KLHL32: variants seen among roughly 807,000 people sequenced by gnomAD.
The protein encoded by KLHL32 is kelch-like protein 32.
Under a neutral mutation model 64.8 loss-of-function variants are expected in KLHL32, and 35 were observed. The observed-to-expected ratio is 0.54, with a 90% CI of 0.41 to 0.72. The LOEUF (loss-of-function observed/expected upper bound fraction) is 0.72, where lower values mean the gene tolerates loss of function less well. KLHL32 is among the 30% of genes least tolerant of loss of function. The probability of loss-of-function intolerance (pLI) is 0.00; values close to 1 mark genes in which losing one functional copy is unlikely to be tolerated. For synonymous variants in KLHL32, 259 were observed against 281.0 expected (o/e 0.92, Z 0.78); for missense variants, 589 against 768.5 (o/e 0.77, Z 2.76).
chr6:96,984,111 T>G (rs1776700873), intron 3 of KLHL32, among the ~76,000 whole-genome samples: 1 of 152,216 alleles, frequency 6.6e-6, no homozygotes, highest in Non-Finnish European at 1.5e-5. Context: ...AAGCACATCT[T>G]TATTTCTGCC....
At chr6:97,095,020 T>A (rs1562330584) in intron 6 of KLHL32, among the ~76,000 whole-genome samples, 1 of 152,246 alleles carries the variant, frequency 6.6e-6, no homozygotes, top group Admixed American at 6.5e-5. Context: ...CTTTGATTAA[T>A]TCATTTGCTC....
intron 3 of KLHL32, chr6:97,025,202 T>A: frequency 1.2e-6 from 1 of 843,038 alleles, no homozygotes; most frequent in Non-Finnish European, 1.4e-6. Flanking sequence ...GTTTATCGTC[T>A]TTGTAAAAAT....
chr6:96,945,382 C>T (rs1274367498), intron 1 of KLHL32, among the ~76,000 whole-genome samples: 1 of 152,196 alleles, frequency 6.6e-6, no homozygotes, highest in Non-Finnish European at 1.5e-5. Context: ...AAGACTGGGG[C>T]ATGCCTGTGG....
chr6:97,050,365 G>A (rs1403447677), intron 4 of KLHL32, among the ~76,000 whole-genome samples: 3 of 152,252 alleles, frequency 2.0e-5, no homozygotes, highest in East Asian at 3.9e-4. Context: ...ACATAATGAG[G>A]CTTTCTGGAG....
intron 4 of KLHL32, among the ~76,000 whole-genome samples, chr6:97,052,334 A>G (rs1332395924): frequency 6.6e-6 from 1 of 152,206 alleles, no homozygotes; most frequent in Non-Finnish European, 1.5e-5. Flanking sequence ...GTGGCATGTG[A>G]CATGATTTTC....
intron 2 of KLHL32, among the ~76,000 whole-genome samples, chr6:96,973,270 G>T (rs949429106): frequency 6.6e-6 from 1 of 152,030 alleles, no homozygotes; most frequent in African/African-American, 2.4e-5. Context: ...TCTGTTTCTG[G>T]TAAGATTTAT....
intron 1 of KLHL32, among the ~76,000 whole-genome samples, chr6:96,958,152 CAT>C (rs1441939904): frequency 1.3e-5 from 2 of 152,134 alleles, no homozygotes; most frequent in Admixed American, 1.3e-4. Flanking sequence ...ATATGCAAAA[CAT>C]AACCATTCCA....
chr6:97,042,818 T>C (rs1377449803), intron 4 of KLHL32, among the ~76,000 whole-genome samples: 9 of 152,198 alleles, frequency 5.9e-5, no homozygotes, highest in African/African-American at 2.2e-4. Context: ...TTTGGATGTT[T>C]GTCCTCTCCA....
At chr6:97,027,753 C>G (rs1348552951) in intron 3 of KLHL32, among the ~76,000 whole-genome samples, 1 of 152,170 alleles carries the variant, frequency 6.6e-6, no homozygotes, top group African/African-American at 2.4e-5. Flanking sequence ...GGGATCAGTC[C>G]TCCCATGCTG....
Position 97,114,375 on chromosome 6 carries a change from A to T in KLHL32, c.1220A>T (p.Asn407Ile). ...TACCTCTATGCAGTTGGGGGCAGAA[A>T]TGAACTGCGCCAGGTTCTGCCTACA... ...EEYLYAVGGR[N>I]ELRQVLPTVE... is the part of the protein sequence containing the mutation. The change falls in exon 7 of 11, where the codon AAT (asparagine) becomes ATT (isoleucine). Residue 407 changes from asparagine (N) to isoleucine (I), a missense_variant. Transcript: ENST00000369261. The T allele has an allele frequency of 6.2e-7, 1 of 1,614,226 alleles. No homozygotes were observed. The highest frequency in any genetic ancestry group is 8.5e-7 in the Non-Finnish European group (1 of 1,180,032).
At chr6:97,073,855 G>A (rs1049253574) in intron 5 of KLHL32, among the ~76,000 whole-genome samples, 1 of 152,092 alleles carries the variant, frequency 6.6e-6, no homozygotes, top group African/African-American at 2.4e-5. Flanking sequence ...GTGAAGGGGT[G>A]GAGACTTCTC....
upstream of KLHL32, among the ~76,000 whole-genome samples, chr6:96,923,947 T>A (rs850587): frequency 0.59 from 89,130 of 152,008 alleles, 26,732 homozygotes; most frequent in African/African-American, 0.71. Context: ...AAGTGGCACT[T>A]GAGTGTGCCA....
chr6:97,092,915 A>C (rs1017476782), intron 6 of KLHL32, among the ~76,000 whole-genome samples: 37 of 152,152 alleles, frequency 2.4e-4, no homozygotes, highest in African/African-American at 8.9e-4. Context: ...AGGAGACCCA[A>C]CTTGTATTCA....
Position 97,078,515 on chromosome 6 carries a change from A to G in KLHL32, c.412-6611A>G, listed in dbSNP as rs544661644. Reference sequence around the variant, plus strand: ...ATTACCCGGAAAAATCTGTAATCCTATTCAATTTGGACATCTTAGAGGGGG... The same window carrying G: ...ATTACCCGGAAAAATCTGTAATCCTGTTCAATTTGGACATCTTAGAGGGGG... On this transcript the variant is annotated intron_variant, in intron 5 of 10. Coordinates refer to ENST00000369261, the MANE Select transcript of KLHL32 (RefSeq NM_052904.4). Among the ~76,000 whole-genome samples the G allele has an allele frequency of 5.1e-4, 77 of 152,326 alleles. 1 individual carries two copies. The South Asian group carries it at 7.2e-3, about 14-fold the overall frequency.
chr6:96,930,827 A>G (rs969821974), intron 1 of KLHL32, among the ~76,000 whole-genome samples: 12 of 152,186 alleles, frequency 7.9e-5, no homozygotes, highest in African/African-American at 2.6e-4. Context: ...CCTGGTCACA[A>G]GGAAAAGGAG....
chr6:96,961,201 C>G (rs1475959381), intron 1 of KLHL32, among the ~76,000 whole-genome samples: 1 of 152,154 alleles, frequency 6.6e-6, no homozygotes, highest in African/African-American at 2.4e-5. Context: ...AAGTCAGCCA[C>G]ATTATATAGG....
At chr6:97,115,770 G>A (rs1336344828) in intron 7 of KLHL32, among the ~76,000 whole-genome samples, 2 of 152,130 alleles carry the variant, frequency 1.3e-5, no homozygotes, top group East Asian at 3.8e-4. Context: ...TAATCCAAAT[G>A]GAACTTGTTG....
chr6:96,913,491 G>C, the KLHL32 span, among the ~76,000 whole-genome samples: 1 of 152,156 alleles, frequency 6.6e-6, no homozygotes, highest in South Asian at 2.1e-4. Flanking sequence ...CATTTTCATG[G>C]TGTAAACAGT....
chr6:96,904,476 C>A, the KLHL32 span, among the ~76,000 whole-genome samples: 1 of 151,514 alleles, frequency 6.6e-6, no homozygotes, highest in African/African-American at 2.4e-5. Flanking sequence ...CTTAGTAAAC[C>A]ACAAAAATTA....
Sources: allele counts gnomAD v4.1 joint callset (sites outside exome capture counted in the v4.1 genomes callset), GRCh38; gene constraint gnomAD v4.1.1; transcripts MANE v1.5; gene names NCBI Gene and HGNC (gene_info 2026-07-23, HGNC 2026-07-21).